The following NIBAN1 variants were observed in gnomAD, a reference collection of about 807,000 sequenced individuals.
The protein encoded by NIBAN1 is protein Niban 1.
Under a neutral mutation model 75.1 loss-of-function variants are expected in NIBAN1, and 81 were observed. The ratio of observed to expected loss-of-function variants is 1.08; its 90% CI spans 0.90 to 1.30. The LOEUF (loss-of-function observed/expected upper bound fraction) is 1.30. NIBAN1 is among the 50% of genes most tolerant of loss of function. NIBAN1 has a pLI of 0.00. For missense variants in NIBAN1, 1,133 were observed against 1,128.1 expected (o/e 1.00, Z -0.06); for synonymous variants, 436 against 424.8 (o/e 1.03, Z -0.32).
chr1:184,899,128 T>C (rs781525687), intron 2 of NIBAN1, 51 bp downstream of exon 2: 1 of 1,604,220 alleles, frequency 6.2e-7, no homozygotes, highest in Non-Finnish European at 8.5e-7. Flanking sequence ...GGCTGTGCTA[T>C]ATAGCCTTCT....
At chr1:184,808,030 C>G in intron 10 of NIBAN1, 44 bp downstream of exon 10, 1 of 1,610,206 alleles carries the variant, frequency 6.2e-7, no homozygotes, top group Non-Finnish European at 8.5e-7. Context: ...TTTCTCTGCT[C>G]TCTCTTTACC....
intron 9 of NIBAN1, among the ~76,000 whole-genome samples, chr1:184,808,472 G>A (rs969945612): frequency 1.3e-5 from 2 of 152,146 alleles, no homozygotes; most frequent in African/African-American, 4.8e-5. Context: ...ATGAGAGGAA[G>A]ACCCAGCGGT....
intron 5 of NIBAN1, among the ~76,000 whole-genome samples, chr1:184,862,418 G>A (rs1319171338): frequency 6.6e-6 from 1 of 152,164 alleles, no homozygotes; most frequent in African/African-American, 2.4e-5. Context: ...CTGGGCTCAA[G>A]CGATCCTCCT....
chr1:184,964,092 A>G (rs1658717391), intron 1 of NIBAN1, among the ~76,000 whole-genome samples: 5 of 151,756 alleles, frequency 3.3e-5, no homozygotes, highest in Admixed American at 3.3e-4. Flanking sequence ...ACCAAGAGCC[A>G]TACATTTCCA....
intron 5 of NIBAN1, among the ~76,000 whole-genome samples, chr1:184,870,253 C>G (rs931129507): frequency 2.6e-5 from 4 of 152,136 alleles, no homozygotes; most frequent in African/African-American, 9.7e-5. Flanking sequence ...GTCTTCAGAG[C>G]TAAGAGCTAA....
At chr1:184,884,987 C>G (rs1292953858) in intron 4 of NIBAN1, among the ~76,000 whole-genome samples, 187 bp from the exon 5 acceptor site, 2 of 152,184 alleles carry the variant, frequency 1.3e-5, no homozygotes, top group Admixed American at 1.3e-4. Context: ...CTTCCCCTGT[C>G]CCACTGCGGT....
intron 1 of NIBAN1, among the ~76,000 whole-genome samples, chr1:184,908,933 G>A (rs1381726776): frequency 1.3e-5 from 2 of 152,132 alleles, no homozygotes; most frequent in East Asian, 1.9e-4. Flanking sequence ...GAGCATCACA[G>A]GAACTATGAA....
intron 2 of NIBAN1, among the ~76,000 whole-genome samples, 198 bp from the exon 3 acceptor site, chr1:184,894,404 T>G (rs932029547): frequency 1.2e-4 from 18 of 152,210 alleles, no homozygotes; most frequent in African/African-American, 4.3e-4. Context: ...TTTGTCTTAT[T>G]GGTATTTTTA....
chr1:184,808,574 C>T (rs1162546881), intron 9 of NIBAN1, among the ~76,000 whole-genome samples: 4 of 152,046 alleles, frequency 2.6e-5, no homozygotes, highest in South Asian at 2.1e-4. Flanking sequence ...GGCTCTGATA[C>T]GTGGTTGCTG....
At position 184,951,617 on chromosome 1, in the gene NIBAN1, A is replaced by G. The variant is rs147430971; in HGVS notation, c.55+22685T>C. ...CAACCATGTCTCCCTACCTCCAGCT[A>G]CCCCCTAGTCCACACCACCATAATC... On this transcript the variant is annotated intron_variant, in intron 1 of 13. Coordinates refer to ENST00000367511, the MANE Select transcript of NIBAN1 (RefSeq NM_052966.4). Among the ~76,000 whole-genome samples, 11 of 151,592 alleles carry G rather than the reference A, an allele frequency of 7.3e-5. 1 individual carries two copies. The East Asian group carries it at 2.1e-3, about 30-fold the overall frequency.
chr1:184,855,114 A>G (rs955949137), intron 5 of NIBAN1, among the ~76,000 whole-genome samples: 3 of 152,198 alleles, frequency 2.0e-5, no homozygotes, highest in Non-Finnish European at 2.9e-5. Context: ...ACTAAAATGG[A>G]CTTTAAATGT....
chr1:184,901,703 G>A (rs990994433), intron 1 of NIBAN1, among the ~76,000 whole-genome samples: 5 of 152,180 alleles, frequency 3.3e-5, no homozygotes, highest in African/African-American at 1.2e-4. Context: ...ACTCTATAAA[G>A]CTTTGAAAGC....
At chr1:184,970,816 T>C (rs2102095577) in intron 1 of NIBAN1, among the ~76,000 whole-genome samples, 1 of 152,308 alleles carries the variant, frequency 6.6e-6, no homozygotes, top group East Asian at 1.9e-4. Context: ...CAGGACTTCT[T>C]ATGTGGGAGA....
chr1:184,915,313 T>C (rs1000042745), intron 1 of NIBAN1, among the ~76,000 whole-genome samples: 2 of 152,252 alleles, frequency 1.3e-5, no homozygotes, highest in Non-Finnish European at 2.9e-5. Context: ...GTTTGTTATA[T>C]TCAATAGCAT....
Position 184,793,774 on chromosome 1 carries a change from A to C in NIBAN1, c.*1203T>G, listed in dbSNP as rs1268494339. On this transcript the variant is annotated 3_prime_UTR_variant, in exon 14 of 14. Transcript: ENST00000367511. ...TTTTGTCTATTTCCATTAAAATGTA[A>C]GTTCTAGGAGGAAGGAACAAAGTTG... 1.3e-5 allele frequency: 2 copies of C among 152,186 alleles called. No homozygotes were observed. The highest frequency in any genetic ancestry group is 2.9e-5 in the Non-Finnish European group (2 of 68,030). The allele number at this position is 152,186 out of a possible 1,614,324, so 9.4% of individuals were successfully genotyped here. A position where few individuals can be genotyped will look rare whatever the true frequency, so the allele number is the denominator to read the frequency against.
In NIBAN1 at chr1:184,889,007, G is replaced by C. The variant is rs892157215; in HGVS notation, c.433+1101C>G. Among the ~76,000 whole-genome samples, 7 of 152,292 alleles carry C rather than the reference G, an allele frequency of 4.6e-5. No homozygotes were observed. In the East Asian group the frequency reaches 1.4e-3, roughly 29 times the overall value. ...GCACCGAAATAACAATTGATAAAAT[G>C]ATTATGTTTTTCTCCATAAATTCTA... On this transcript the variant is annotated intron_variant, in intron 4 of 13. Transcript: ENST00000367511.
At chr1:184,963,619 A>G (rs1312974766) in intron 1 of NIBAN1, among the ~76,000 whole-genome samples, 1 of 152,228 alleles carries the variant, frequency 6.6e-6, no homozygotes, top group East Asian at 1.9e-4. Flanking sequence ...CTCTTAAAAT[A>G]ACCAGATGGA....
Position 184,934,881 on chromosome 1 carries a change from A to G in NIBAN1, c.56-35572T>C, listed in dbSNP as rs554547998. 5.9e-4 allele frequency among the ~76,000 whole-genome samples: 89 copies of G among 151,112 alleles called. 1 individual carries two copies. The highest frequency in any genetic ancestry group is 2.1e-3 in the African/African-American group (86 of 41,060). On this transcript the variant is annotated intron_variant, in intron 1 of 13. Coordinates refer to ENST00000367511, the MANE Select transcript of NIBAN1 (RefSeq NM_052966.4). ...CTGCACTCCAGCATGGGAGACAGAG[A>G]GACTCCATCTCAAAAAATAAATAAA...
chr1:184,928,107 G>C (rs1657726958), intron 1 of NIBAN1, among the ~76,000 whole-genome samples: 1 of 152,128 alleles, frequency 6.6e-6, no homozygotes, highest in Non-Finnish European at 1.5e-5. Context: ...AAGGTAGCAA[G>C]TTCCCTTCTG....
Sources: allele counts gnomAD v4.1 joint callset (sites outside exome capture counted in the v4.1 genomes callset), GRCh38; gene constraint gnomAD v4.1.1; transcripts MANE v1.5; gene names NCBI Gene and HGNC (gene_info 2026-07-23, HGNC 2026-07-21).